The following PPFIA2 variants were observed in gnomAD, a reference collection of about 807,000 sequenced individuals.
PPFIA2 encodes liprin-alpha-2.
In PPFIA2, 46 loss-of-function variants were observed where a neutral mutation model predicts 175.5. The observed-to-expected ratio is 0.26, with a 90% CI of 0.21 to 0.34. The LOEUF (loss-of-function observed/expected upper bound fraction) is 0.34, where lower values mean the gene tolerates loss of function less well. PPFIA2 is among the 10% of genes least tolerant of loss of function. The pLI is 1.00. For missense variants in PPFIA2, 1,179 were observed against 1,506.1 expected, an observed-to-expected ratio of 0.78 and a Z score of 3.60; for synonymous variants, 568 against 511.4, an observed-to-expected ratio of 1.11 and a Z score of -1.49.
intron 4 of PPFIA2, among the ~76,000 whole-genome samples, chr12:81,670,988 G>T (rs2071292470): frequency 6.6e-6 from 1 of 151,780 alleles, no homozygotes; most frequent in Non-Finnish European, 1.5e-5. Flanking sequence ...TTTTTGGGAG[G>T]ATGATGTCAT....
intron 3 of PPFIA2, among the ~76,000 whole-genome samples, chr12:81,698,971 ATC>A (rs1274339276): frequency 6.6e-6 from 1 of 152,052 alleles, no homozygotes; most frequent in Non-Finnish European, 1.5e-5. Flanking sequence ...GATTTTTACT[ATC>A]TATGAGTAGC....
intron 15 of PPFIA2, among the ~76,000 whole-genome samples, chr12:81,361,920 TAAATA>T (rs1450544695): frequency 6.6e-6 from 1 of 151,566 alleles, no homozygotes; most frequent in Non-Finnish European, 1.5e-5. Context: ...CTAACAACTT[TAAATA>T]AAACATCTCA....
intron 8 of PPFIA2, among the ~76,000 whole-genome samples, chr12:81,391,279 T>C (rs2040059672): frequency 6.6e-6 from 1 of 151,870 alleles, no homozygotes; most frequent in Non-Finnish European, 1.5e-5. Flanking sequence ...GTACTTATTC[T>C]AGGAGCAGAA....
At chr12:81,309,770 T>C (rs2050263652) in intron 22 of PPFIA2, among the ~76,000 whole-genome samples, 1 of 152,102 alleles carries the variant, frequency 6.6e-6, no homozygotes, top group Non-Finnish European at 1.5e-5. Context: ...GAAATGTATT[T>C]GGGAATTGAG....
chr12:81,325,394 C>T (rs891953798), intron 22 of PPFIA2, among the ~76,000 whole-genome samples: 2 of 152,078 alleles, frequency 1.3e-5, no homozygotes, highest in Admixed American at 6.6e-5. Context: ...TTCTCCTTTA[C>T]TCCATTTCAA....
chr12:81,739,706 A>G (rs902157065), intron 3 of PPFIA2, among the ~76,000 whole-genome samples: 27 of 152,082 alleles, frequency 1.8e-4, no homozygotes, highest in African/African-American at 5.6e-4. Context: ...GATTACACTA[A>G]AAGTGGACAT....
At chr12:81,656,043 G>A (rs2067740816) in intron 4 of PPFIA2, among the ~76,000 whole-genome samples, 1 of 151,862 alleles carries the variant, frequency 6.6e-6, no homozygotes. Flanking sequence ...AAAGACCATG[G>A]TTATTGACAT....
chr12:81,352,180 G>A (rs1266329782), intron 17 of PPFIA2, among the ~76,000 whole-genome samples: 1 of 151,858 alleles, frequency 6.6e-6, no homozygotes, highest in Non-Finnish European at 1.5e-5. Flanking sequence ...GGTAATTGAG[G>A]TTACATGAGG....
At chr12:81,654,911 T>C (rs1327159734) in intron 4 of PPFIA2, among the ~76,000 whole-genome samples, 2 of 152,132 alleles carry the variant, frequency 1.3e-5, no homozygotes, top group African/African-American at 4.8e-5. Context: ...CTTAAATGAT[T>C]GTAGAATTCA....
intron 28 of PPFIA2, among the ~76,000 whole-genome samples, chr12:81,268,489 C>T (rs1376364041): frequency 6.6e-6 from 1 of 152,132 alleles, no homozygotes; most frequent in Non-Finnish European, 1.5e-5. Context: ...GGGTATCTGG[C>T]CAGGTCACAT....
Position 81,473,171 on chromosome 12 carries a change from G to A in PPFIA2, c.304-15305C>T, listed in dbSNP as rs573025064. ...GCCTGTAATCCCAGCACTCTGGGGGGCTGAGGTGCGTGGATCACCTGCTGT... is the reference window on the plus strand; with the variant it reads ...GCCTGTAATCCCAGCACTCTGGGGGACTGAGGTGCGTGGATCACCTGCTGT... On this transcript the variant is annotated intron_variant, in intron 4 of 32. Transcript: ENST00000549396. Among the ~76,000 whole-genome samples, 13 of 152,278 alleles carry A rather than the reference G, an allele frequency of 8.5e-5. No homozygotes were observed. The South Asian group carries it at 1.5e-3, about 17-fold the overall frequency.
intron 8 of PPFIA2, among the ~76,000 whole-genome samples, chr12:81,405,549 G>A (rs1444299963): frequency 1.3e-5 from 2 of 151,448 alleles, no homozygotes; most frequent in Non-Finnish European, 2.9e-5. Flanking sequence ...TCAATTAAGA[G>A]CAGGTAAAAA....
chr12:81,665,946 C>T (rs1033876120), intron 4 of PPFIA2, among the ~76,000 whole-genome samples: 20 of 151,876 alleles, frequency 1.3e-4, no homozygotes, highest in Non-Finnish European at 1.9e-4. Flanking sequence ...AACAAGTGGG[C>T]GAAGGATATG....
At chr12:81,553,223 GA>G (rs1364366803) in intron 4 of PPFIA2, among the ~76,000 whole-genome samples, 3 of 151,900 alleles carry the variant, frequency 2.0e-5, no homozygotes, top group African/African-American at 7.2e-5. Context: ...GAAATAAATT[GA>G]AGCATTCTAA....
chr12:81,417,496 A>G (rs1436485379), intron 7 of PPFIA2, among the ~76,000 whole-genome samples: 2 of 151,816 alleles, frequency 1.3e-5, no homozygotes, highest in Admixed American at 1.3e-4. Context: ...CTTGAAAAAA[A>G]TATAGAAAGC....
intron 7 of PPFIA2, among the ~76,000 whole-genome samples, chr12:81,415,617 T>C (rs1475031687): frequency 6.6e-6 from 1 of 150,846 alleles, no homozygotes; most frequent in African/African-American, 2.4e-5. Context: ...AAAGGGTTTT[T>C]TAAAAAAGAA....
chr12:81,542,344 C>T (rs1215176631), intron 4 of PPFIA2, among the ~76,000 whole-genome samples: 1 of 152,102 alleles, frequency 6.6e-6, no homozygotes, highest in East Asian at 1.9e-4. Context: ...GCTCTGCCAG[C>T]ACCTCACTTT....
intron 3 of PPFIA2, among the ~76,000 whole-genome samples, chr12:81,726,215 C>T (rs911188233): frequency 6.6e-5 from 10 of 151,300 alleles, no homozygotes; most frequent in East Asian, 3.9e-4. Flanking sequence ...TAAAACTACT[C>T]GAAGACAGTA....
At chr12:81,463,009 G>GT (rs1311225681) in intron 4 of PPFIA2, among the ~76,000 whole-genome samples, 2 of 151,898 alleles carry the variant, frequency 1.3e-5, no homozygotes, top group Non-Finnish European at 2.9e-5. Flanking sequence ...CTCTAGTCTA[G>GT]CATTTCTCAA....
Sources: allele counts gnomAD v4.1 joint callset (sites outside exome capture counted in the v4.1 genomes callset), GRCh38; gene constraint gnomAD v4.1.1; transcripts MANE v1.5; gene names NCBI Gene and HGNC (gene_info 2026-07-23, HGNC 2026-07-21).